The following ZSCAN1 variants were observed in gnomAD, a reference collection of about 807,000 sequenced individuals.
ZSCAN1 encodes zinc finger and SCAN domain-containing protein 1.
ZSCAN1 carries 23 observed loss-of-function variants against 23.8 expected under a neutral mutation model. That is an observed-to-expected ratio of 0.97 (90% CI 0.70 to 1.37). The LOEUF (loss-of-function observed/expected upper bound fraction) is 1.37. ZSCAN1 is among the 40% of genes most tolerant of loss of function. The pLI is 0.00. For missense variants in ZSCAN1, 575 were observed against 554.0 expected, an observed-to-expected ratio of 1.04 and a Z score of -0.38; for synonymous variants, 236 against 232.3, an observed-to-expected ratio of 1.02 and a Z score of -0.15.
chr19:58,046,583 C>G lies in ZSCAN1; in HGVS notation c.466-5907C>G. 1.9e-5 allele frequency: 16 copies of G among 838,782 alleles called. No individual in the cohort carries two copies. The South Asian group carries it at 2.1e-4, about 11-fold the overall frequency. 52.0% of individuals were successfully genotyped at this position (838,782 alleles called of 1,614,324 possible). ...AGCAAGCTCACCAGCCTGGCCGCAG[C>G]ACTGAATGAAAATAAGGATGGCAAG... On this transcript the variant is annotated intron_variant, in intron 4 of 5. Coordinates refer to ENST00000282326, the MANE Select transcript of ZSCAN1 (RefSeq NM_182572.4).
In ZSCAN1 at chr19:58,053,359, C is replaced by G. The variant is rs138891801; in HGVS notation, c.605-70C>G. The G allele has an allele frequency of 1.8e-3, 2,819 of 1,546,472 alleles. 40 individuals carry two copies. In the African/African-American group the frequency reaches 0.035, roughly 19 times the overall value. ...TCAGTCACTGGGGTCCTCCGTGCCC[C>G]TGGGGAGCACAGGGAGATGCCAAGG... On this transcript the variant is annotated intron_variant, in intron 5 of 5. Coordinates refer to ENST00000282326, the MANE Select transcript of ZSCAN1 (RefSeq NM_182572.4). This position sits in a 1 kb window ranked among gnomAD's most constrained non-coding sequence, Gnocchi z 5.8.
chr19:58,034,590 C>G (rs2073720112), intron 1 of ZSCAN1, among the ~76,000 whole-genome samples: 1 of 151,602 alleles, frequency 6.6e-6, no homozygotes, highest in Non-Finnish European at 1.5e-5. Flanking sequence ...CCTGAACAGC[C>G]GCCCCCGGAC....
Position 58,045,070 on chromosome 19 carries a change from G to A in ZSCAN1, c.465+4526G>A. 6 of 1,149,406 alleles carry A rather than the reference G, an allele frequency of 5.2e-6. No individual in the cohort carries two copies. The highest frequency in any genetic ancestry group is 7.9e-6 in the Non-Finnish European group (6 of 759,836). The allele number at this position is 1,149,406 out of a possible 1,614,324, so 71.2% of individuals were successfully genotyped here. On this transcript the variant is annotated intron_variant, in intron 4 of 5. Coordinates refer to ENST00000282326, the MANE Select transcript of ZSCAN1 (RefSeq NM_182572.4). The surrounding 1 kb of genome is among the most constrained non-coding windows in gnomAD (Gnocchi z 4.3). Reference sequence around the variant, plus strand: ...GCAGAGAGGGTGCTGGGCGAGCTGAGGCACTACTACCATGGCTTCCGCCTG... The same window carrying A: ...GCAGAGAGGGTGCTGGGCGAGCTGAAGCACTACTACCATGGCTTCCGCCTG...
At chr19:58,042,067 T>C (rs965863996) in intron 4 of ZSCAN1, among the ~76,000 whole-genome samples, 6 of 152,270 alleles carry the variant, frequency 3.9e-5, no homozygotes, top group African/African-American at 1.4e-4. Context: ...TGGACCAGTA[T>C]AGGCACACCA....
At chr19:58,035,920 A>T (rs749756643) in intron 1 of ZSCAN1, 50 bp from the exon 2 acceptor site, 1 of 142,028 alleles carries the variant, frequency 7.0e-6, no homozygotes, top group Non-Finnish European at 1.5e-5. Flanking sequence ...ATGGTCAAAA[A>T]TCCTTCCTAA....
chr19:58,045,893 T>G lies in ZSCAN1; in HGVS notation c.465+5349T>G, dbSNP rs2073822166. 2 of 1,021,950 alleles carry G rather than the reference T, an allele frequency of 2.0e-6. No individual in the cohort carries two copies. Among genetic ancestry groups the G allele is most frequent in the Non-Finnish European group, 3.1e-6 (2 of 641,102 alleles). 63.3% of individuals were successfully genotyped at this position (1,021,950 alleles called of 1,614,324 possible). A position where few individuals can be genotyped will look rare whatever the true frequency, so the allele number is the denominator to read the frequency against. The stretch of plus-strand genomic sequence containing the variant: ...TCCACACTGCAGACTCTCCCAGAGA[T>G]TGTGGCAAAGGAAGCACAGGTGAAA... On this transcript the variant is annotated intron_variant, in intron 4 of 5. Coordinates refer to ENST00000282326, the MANE Select transcript of ZSCAN1 (RefSeq NM_182572.4). The surrounding 1 kb of genome is among the most constrained non-coding windows in gnomAD (Gnocchi z 4.3).
intron 4 of ZSCAN1, among the ~76,000 whole-genome samples, chr19:58,043,593 T>C (rs1450455882): frequency 6.6e-6 from 1 of 152,130 alleles, no homozygotes; most frequent in Non-Finnish European, 1.5e-5. Flanking sequence ...GGCTACTAAA[T>C]TGGCAACTAT....
chr19:58,046,691 T>C (rs1343458667), intron 4 of ZSCAN1: 1 of 868,410 alleles, frequency 1.2e-6, no homozygotes, highest in South Asian at 1.3e-5. Context: ...GTGGCCGAGA[T>C]TGTAGCAACA....
chr19:58,040,442 C>T lies in ZSCAN1; in HGVS notation c.371-8C>T. On this transcript the variant is annotated splice_region_variant and splice_polypyrimidine_tract_variant and intron_variant, in intron 3 of 5. Transcript: ENST00000282326. This position sits in a 1 kb window ranked among gnomAD's most constrained non-coding sequence, Gnocchi z 5.8. The stretch of plus-strand genomic sequence containing the variant: ...AGGCCCCTCTCACGATCCCTTTCTC[C>T]CGCACAGTTCTGGTATCTCTGGACT... The T allele has an allele frequency of 1.2e-6, 2 of 1,613,398 alleles. No homozygotes were observed. The highest frequency in any genetic ancestry group is 1.7e-6 in the Non-Finnish European group (2 of 1,179,876).
Position 58,040,340 on chromosome 19 carries a change from CA to C in ZSCAN1, c.371-109del. 8.8e-7 allele frequency: 1 copy of C among 1,141,992 alleles called. No individual in the cohort carries two copies. The highest frequency in any genetic ancestry group is 2.4e-5 in the East Asian group (1 of 42,070). 70.7% of individuals were successfully genotyped at this position (1,141,992 alleles called of 1,614,324 possible). On this transcript the variant is annotated intron_variant, in intron 3 of 5. Transcript: ENST00000282326. This position sits in a 1 kb window ranked among gnomAD's most constrained non-coding sequence, Gnocchi z 5.8. ...CCTGCAGCCACTCTTGCCTGCGCCT[CA>C]GGGGTGCTGCAGGGATGTTCGGGGA...
intron 4 of ZSCAN1, chr19:58,046,561 A>G: frequency 1.2e-6 from 1 of 868,828 alleles, no homozygotes; most frequent in South Asian, 1.3e-5. Flanking sequence ...TCCCAAAAGC[A>G]AGCTCACCAG....
Position 58,053,986 on chromosome 19 carries a change from G to C in ZSCAN1, c.1162G>C (p.Ala388Pro). The C allele has an allele frequency of 6.3e-7, 1 of 1,588,736 alleles. No individual in the cohort carries two copies. Among genetic ancestry groups the C allele is most frequent in the Non-Finnish European group, 8.6e-7 (1 of 1,166,406 alleles). ...CTTCCAGTGTAGCGTCTGCGGGAAG[G>C]CCTTCCCCTGGATGGTCCACCTCAT... ...RPFQCSVCGK[A>P]FPWMVHLIDH... Residue 388 changes from alanine to proline, a missense_variant, in exon 6 of 6, where the codon GCC (alanine) becomes CCC (proline). Transcript: ENST00000282326. The surrounding 1 kb of genome is among the most constrained non-coding windows in gnomAD (Gnocchi z 5.8).
intron 3 of ZSCAN1, among the ~76,000 whole-genome samples, chr19:58,038,620 A>G (rs956575067): frequency 2.0e-5 from 3 of 152,168 alleles, no homozygotes; most frequent in African/African-American, 7.2e-5. Flanking sequence ...TGGTGGGGAG[A>G]GACGCTTAGG....
intron 4 of ZSCAN1, among the ~76,000 whole-genome samples, chr19:58,042,143 G>A (rs1229260448): frequency 2.0e-5 from 3 of 151,412 alleles, no homozygotes; most frequent in African/African-American, 4.8e-5. Context: ...TTTTATTATG[G>A]CTAGCAGATA....
In ZSCAN1 at chr19:58,053,540, A is replaced by G. The variant is rs201673723; in HGVS notation, c.716A>G (p.Lys239Arg). ...GAAGGGACTGTGATCTCGAGCCCCA[A>G]GGGTCCAAGTGCTCAGAGAATCAGT... The part of the protein sequence containing the change: ...RAEGTVISSP[K>R]GPSAQRISPR... The change falls in exon 6 of 6, where the codon AAG becomes AGG. Residue 239 changes from lysine (K) to arginine (R), a missense_variant. By Grantham distance (26) the Lys-to-Arg change is conservative. Transcript: ENST00000282326. The surrounding 1 kb of genome is among the most constrained non-coding windows in gnomAD (Gnocchi z 5.8). The G allele has an allele frequency of 4.7e-5, 76 of 1,614,158 alleles. No homozygotes were observed. The African/African-American group carries it at 8.0e-4, about 17-fold the overall frequency.
chr19:58,044,323 G>C (rs566154455), intron 4 of ZSCAN1, among the ~76,000 whole-genome samples: 3 of 113,946 alleles, frequency 2.6e-5, no homozygotes, highest in African/African-American at 1.0e-4. Flanking sequence ...ATAAATAAAT[G>C]ATACATCATT....
intron 4 of ZSCAN1, chr19:58,044,772 C>A (rs1289011163): frequency 1.4e-5 from 10 of 723,120 alleles, no homozygotes; most frequent in Non-Finnish European, 2.5e-5. Flanking sequence ...ACCCTGCCTA[C>A]CCGTGCTTCA....
intron 1 of ZSCAN1, 97 bp from the exon 2 acceptor site, chr19:58,035,873 G>A (rs1488483202): frequency 6.6e-6 from 1 of 152,180 alleles, no homozygotes; most frequent in East Asian, 1.9e-4. Context: ...AAATCCCATG[G>A]AATCCCTCCT....
At chr19:58,052,807 T>C (rs1485320360) in intron 5 of ZSCAN1, among the ~76,000 whole-genome samples, 179 bp downstream of exon 5, 1 of 152,164 alleles carries the variant, frequency 6.6e-6, no homozygotes, top group Admixed American at 6.5e-5. Context: ...AACCACCATG[T>C]ACATCGTTCA....
Sources: gnomAD v4.1 joint callset for allele counts (sites outside exome capture counted in the v4.1 genomes callset) on GRCh38, gnomAD v4.1.1 for gene constraint, Gnocchi (gnomAD v3.1) non-coding constraint, MANE v1.5 for transcripts, NCBI Gene and HGNC (gene_info 2026-07-23, HGNC 2026-07-21) for gene names.